The following INTS6 variants were observed in gnomAD, a reference collection of about 807,000 sequenced individuals.
The protein encoded by INTS6 is DEAD box protein.
In INTS6, 16 loss-of-function variants were observed where a neutral mutation model predicts 104.9. The observed-to-expected ratio is 0.15, with a 90% CI of 0.10 to 0.23. The LOEUF is 0.23. Ranked by LOEUF, INTS6 falls within the 10% of genes least tolerant of loss-of-function variation. The probability of loss-of-function intolerance (pLI) is 1.00; values close to 1 mark genes in which losing one functional copy is unlikely to be tolerated. For missense variants in INTS6, 584 were observed against 1,062.8 expected (o/e 0.55, Z 6.26); for synonymous variants, 324 against 358.7 (o/e 0.90, Z 1.09).
rs183882368 is a variant in INTS6 at position 51,427,162 on chromosome 13, C to T, written c.429+3132G>A. ...AGGATATCATACAGGTGGAATTATACAACTCCATAAAAAGTAATAGGTCAT... is the reference window on the plus strand; with the variant it reads ...AGGATATCATACAGGTGGAATTATATAACTCCATAAAAAGTAATAGGTCAT... On this transcript the variant is annotated intron_variant, in intron 4 of 17. Transcript: ENST00000311234. Among the ~76,000 whole-genome samples, 3 of 152,154 alleles carry T rather than the reference C, an allele frequency of 2.0e-5. No homozygotes were observed. The East Asian group carries it at 5.8e-4, about 29-fold the overall frequency.
chr13:51,352,139 G>C (rs958774263), downstream of INTS6, among the ~76,000 whole-genome samples: 1 of 151,842 alleles, frequency 6.6e-6, no homozygotes, highest in African/African-American at 2.4e-5. Context: ...GTCAATTTTT[G>C]CCAAAAATGC....
intron 7 of INTS6, 29 bp from the exon 8 acceptor site, chr13:51,383,770 T>C: frequency 6.5e-7 from 1 of 1,540,166 alleles, no homozygotes; most frequent in Non-Finnish European, 8.8e-7. Flanking sequence ...TAATTACTAC[T>C]TACATGAAAT....
chr13:51,378,289 C>T lies in INTS6; in HGVS notation c.1552G>A (p.Asp518Asn), dbSNP rs1403825396. The change falls in exon 12 of 18, where the codon GAC (aspartate) becomes AAC (asparagine). Residue 518 changes from aspartate (D) to asparagine (N), a missense_variant. Transcript: ENST00000311234. ...ISEDVPHRLLDLNMKEYTGFQ... is the reference protein window; with the variant it reads ...ISEDVPHRLLNLNMKEYTGFQ... ...CCAGTGTATTCCTTCATATTAAGGT[C>T]TAGCAGTCTGTGAGGGACATCCTCT... 8.7e-6 allele frequency: 14 copies of T among 1,613,356 alleles called. No homozygotes were observed. The highest frequency in any genetic ancestry group is 1.2e-5 in the Non-Finnish European group (14 of 1,179,514).
chr13:51,411,255 A>AAATAAATT (rs1956682156), intron 4 of INTS6, among the ~76,000 whole-genome samples: 2 of 143,408 alleles, frequency 1.4e-5, no homozygotes, highest in Admixed American at 1.4e-4. Flanking sequence ...ATAAATAAAT[A>AAATAAATT]AGCAAGCAAG....
intron 5 of INTS6, among the ~76,000 whole-genome samples, chr13:51,391,608 G>T (rs1363032013): frequency 6.6e-6 from 1 of 152,096 alleles, no homozygotes; most frequent in East Asian, 1.9e-4. Flanking sequence ...ATCACTACTT[G>T]TATTTGTGAA....
downstream of INTS6, among the ~76,000 whole-genome samples, chr13:51,358,063 C>A (rs945118864): frequency 6.6e-6 from 1 of 151,956 alleles, no homozygotes; most frequent in Non-Finnish European, 1.5e-5. Context: ...CTAGAGGAGA[C>A]AAATGGAGAA....
the INTS6 span, chr13:51,344,228 C>A: frequency 6.3e-7 from 1 of 1,588,852 alleles, no homozygotes; most frequent in Non-Finnish European, 8.6e-7. Context: ...CCATTGTCAA[C>A]TTATCCCAAC....
rs1952768821 is a variant in INTS6 at position 51,440,207 on chromosome 13, AGCCACT to A, written c.340-9830_340-9825del. The A allele has an allele frequency of 2.0e-5, 3 of 151,800 alleles. No homozygotes were observed. In the South Asian group the frequency reaches 6.3e-4, roughly 32 times the overall value. 9.4% of individuals were successfully genotyped at this position (151,800 alleles called of 1,614,324 possible). ...CAGAGCTTGCAGTAAGCAGAGATCG[AGCCACT>A]GCACTCCAGCCTGGGTGACATAGCA... is the stretch of plus-strand genomic sequence containing the variant. On this transcript the variant is annotated intron_variant, in intron 3 of 17. Coordinates refer to ENST00000311234, the MANE Select transcript of INTS6 (RefSeq NM_012141.3).
chr13:51,410,543 T>A (rs973334274), intron 4 of INTS6, among the ~76,000 whole-genome samples: 1 of 152,146 alleles, frequency 6.6e-6, no homozygotes, highest in Non-Finnish European at 1.5e-5. Context: ...TTTCCTCCCA[T>A]CATACACAGA....
chr13:51,429,762 T>TAAAA (rs1259029104), intron 4 of INTS6, among the ~76,000 whole-genome samples: 1 of 12,914 alleles, frequency 7.7e-5, no homozygotes, highest in Non-Finnish European at 1.2e-4. Flanking sequence ...AGACTCTGTC[T>TAAAA]CAAAAAAAAA....
the INTS6 span, among the ~76,000 whole-genome samples, chr13:51,337,067 AC>A: frequency 1.3e-5 from 2 of 152,214 alleles, no homozygotes; most frequent in Non-Finnish European, 2.9e-5. Context: ...GTGCTGGGCT[AC>A]CTTGCATTGC....
the INTS6 span, among the ~76,000 whole-genome samples, chr13:51,348,851 A>G: frequency 2.1e-5 from 1 of 48,528 alleles, no homozygotes; most frequent in Non-Finnish European, 3.4e-5. Flanking sequence ...TAATTGAGCA[A>G]GTACAGATAA....
chr13:51,439,496 A>C (rs1319725892), intron 3 of INTS6: 2 of 152,158 alleles, frequency 1.3e-5, no homozygotes, highest in Non-Finnish European at 2.9e-5. Context: ...CCTTCAAAAA[A>C]AAATCTTCAT....
chr13:51,433,630 T>C (rs1357255085), intron 3 of INTS6, among the ~76,000 whole-genome samples: 1 of 152,246 alleles, frequency 6.6e-6, no homozygotes, highest in Non-Finnish European at 1.5e-5. Flanking sequence ...GTAATACTTT[T>C]TAAAGGCCCA....
At chr13:51,384,593 A>G (rs1956106374) in intron 7 of INTS6, 1 of 456,222 alleles carries the variant, frequency 2.2e-6, no homozygotes, top group Non-Finnish European at 4.4e-6. Context: ...GGTTCCTCAG[A>G]CACAATATGT....
intron 3 of INTS6, among the ~76,000 whole-genome samples, chr13:51,435,546 TTATC>T (rs1274055655): frequency 8.5e-5 from 13 of 152,158 alleles, no homozygotes; most frequent in African/African-American, 3.1e-4. Flanking sequence ...TAAACAGATA[TTATC>T]TATTATAACC....
chr13:51,418,829 T>C (rs149065036), intron 4 of INTS6, among the ~76,000 whole-genome samples: 1 of 152,292 alleles, frequency 6.6e-6, no homozygotes, highest in African/African-American at 2.4e-5. Context: ...TTAACAACTT[T>C]ATTGAGAAAT....
intron 3 of INTS6, chr13:51,448,313 G>C (rs1282868755): frequency 6.6e-6 from 1 of 152,080 alleles, no homozygotes; most frequent in Non-Finnish European, 1.5e-5. Context: ...TGCTATAAAG[G>C]AAAAGATTGA....
chr13:51,395,189 A>T, intron 5 of INTS6, 111 bp downstream of exon 5: 1 of 1,042,468 alleles, frequency 9.6e-7, no homozygotes, highest in Non-Finnish European at 1.4e-6. Context: ...CCTAATTCCT[A>T]ATATTAACTT....
Sources: allele counts gnomAD v4.1 joint callset (sites outside exome capture counted in the v4.1 genomes callset), GRCh38; gene constraint gnomAD v4.1.1; transcripts MANE v1.5; gene names NCBI Gene and HGNC (gene_info 2026-07-23, HGNC 2026-07-21).